Variants in TMPRSS11F observed in about 807,000 individuals in gnomAD.
TMPRSS11F encodes the protein transmembrane protease serine 11F.
A neutral mutation model predicts 60.2 loss-of-function variants in TMPRSS11F; 47 were observed. The observed-to-expected ratio is 0.78, with a 90% confidence interval of 0.62 to 1.00. The LOEUF is 1.00. TMPRSS11F is among the 50% of genes least tolerant of loss of function. The probability of loss-of-function intolerance (pLI) is 0.00; values close to 1 mark genes in which losing one functional copy is unlikely to be tolerated. For synonymous variants in TMPRSS11F, 166 were observed against 167.3 expected, an observed-to-expected ratio of 0.99 and a Z score of 0.06; for missense variants, 519 against 522.9, an observed-to-expected ratio of 0.99 and a Z score of 0.07.
At chr4:68,055,639 A>G (rs1723028181) in intron 9 of TMPRSS11F, among the ~76,000 whole-genome samples, 1 of 152,176 alleles carries the variant, frequency 6.6e-6, no homozygotes, top group East Asian at 1.9e-4. Context: ...CAATTCTACC[A>G]AGCATCTAAA....
At chr4:68,057,017 G>T (rs759951038) in intron 9 of TMPRSS11F, among the ~76,000 whole-genome samples, 1 of 152,182 alleles carries the variant, frequency 6.6e-6, no homozygotes, top group Admixed American at 6.6e-5. Flanking sequence ...GGGCGTGGTG[G>T]CTCATGCCTG....
chr4:68,114,477 A>C (rs1425691354), intron 1 of TMPRSS11F, among the ~76,000 whole-genome samples: 1 of 152,122 alleles, frequency 6.6e-6, no homozygotes, highest in African/African-American at 2.4e-5. Context: ...AAAATGGATA[A>C]ATCTTTTTGA....
At chr4:68,099,083 G>C (rs1352455799) in intron 1 of TMPRSS11F, 45 bp from the exon 2 acceptor site, 1 of 1,527,540 alleles carries the variant, frequency 6.5e-7, no homozygotes, top group Middle Eastern at 1.7e-4. Context: ...ATTCATTATA[G>C]TTCAACTTTA....
At chr4:68,105,044 T>C (rs1577931153) in intron 1 of TMPRSS11F, among the ~76,000 whole-genome samples, 1 of 127,388 alleles carries the variant, frequency 7.9e-6, no homozygotes, top group Admixed American at 9.1e-5. Flanking sequence ...AATCATTCCC[T>C]CTAGGTTTTT....
chr4:68,056,980 T>A (rs1723060352), intron 9 of TMPRSS11F, among the ~76,000 whole-genome samples: 1 of 152,188 alleles, frequency 6.6e-6, no homozygotes, highest in Non-Finnish European at 1.5e-5. Flanking sequence ...AAATTGGTTA[T>A]CTATATCAGA....
intron 3 of TMPRSS11F, among the ~76,000 whole-genome samples, chr4:68,089,093 C>T (rs1247019663): frequency 6.6e-6 from 1 of 151,690 alleles, no homozygotes; most frequent in Non-Finnish European, 1.5e-5. Context: ...GGGTCCAAAT[C>T]ACCAAAGCAA....
intron 1 of TMPRSS11F, among the ~76,000 whole-genome samples, chr4:68,128,871 C>T (rs972591839): frequency 1.3e-5 from 2 of 152,088 alleles, no homozygotes; most frequent in Non-Finnish European, 2.9e-5. Context: ...TAGGCTTATG[C>T]TGTCATTTGA....
Position 68,092,005 on chromosome 4 carries a change from C to T in TMPRSS11F, c.164-1364G>A, listed in dbSNP as rs560509234. On this transcript the variant is annotated intron_variant, in intron 2 of 9. Transcript: ENST00000356291. ...TTCACCATGTTGTCCAGGCTGGTCT[C>T]GAACTCCTGACCTCAAGTGATCCAT... 7.2e-5 allele frequency among the ~76,000 whole-genome samples: 11 copies of T among 152,088 alleles called. No homozygotes were observed. In the East Asian group the frequency reaches 7.7e-4, roughly 11 times the overall value.
intron 7 of TMPRSS11F, among the ~76,000 whole-genome samples, chr4:68,065,278 C>T (rs1318496941): frequency 6.6e-6 from 1 of 152,066 alleles, no homozygotes; most frequent in Admixed American, 6.6e-5. Context: ...ATTTTCTCTC[C>T]ATGTCATATC....
chr4:68,104,894 G>A (rs773288559), intron 1 of TMPRSS11F, among the ~76,000 whole-genome samples: 4 of 151,264 alleles, frequency 2.6e-5, no homozygotes, highest in Non-Finnish European at 5.9e-5. Flanking sequence ...TTGATGTGTT[G>A]CTGGACTCAG....
In TMPRSS11F at chr4:68,076,771, C is replaced by T. The variant is rs140415251; in HGVS notation, c.283-2762G>A. Among the ~76,000 whole-genome samples, 262 of 152,278 alleles carry T rather than the reference C, an allele frequency of 1.7e-3. 6 individuals are homozygous for T. The highest frequency in any genetic ancestry group is 0.014 in the Admixed American group (209 of 15,298). On this transcript the variant is annotated intron_variant, in intron 3 of 9. Coordinates refer to ENST00000356291, the MANE Select transcript of TMPRSS11F (RefSeq NM_207407.2). ...GCACCAATCTTCCATTTTCCTGTGC[C>T]TCTCATGACTCCACCAAAGGTACCT...
intron 3 of TMPRSS11F, among the ~76,000 whole-genome samples, chr4:68,083,132 T>C (rs1390910281): frequency 6.6e-6 from 1 of 152,120 alleles, no homozygotes; most frequent in East Asian, 1.9e-4. Context: ...CCCTTGACAG[T>C]AGGTCAAAGC....
chr4:68,061,722 G>T, intron 8 of TMPRSS11F: 1 of 393,668 alleles, frequency 2.5e-6, no homozygotes, highest in South Asian at 1.9e-5. Flanking sequence ...AAATTTTAAA[G>T]TAAAGTCTTG....
rs1723386343 is a variant in TMPRSS11F at position 68,068,734 on chromosome 4, A to G, written c.639T>C (p.Ala213=). The change falls in exon 7 of 10, where the codon GCT becomes GCC. Residue 213 remains alanine, a synonymous_variant. Coordinates refer to ENST00000356291, the MANE Select transcript of TMPRSS11F (RefSeq NM_207407.2). ...TQRIVQGRET[A]MEGEWPWQAS... is the part of the protein sequence containing the mutation. ...CCTGCCATGGCCATTCCCCTTCCAT[A>G]GCTGTTTCCCTTCCTTGGACAATTC... 1 of 1,614,200 alleles carries G rather than the reference A, an allele frequency of 6.2e-7. No homozygotes were observed. The highest frequency in any genetic ancestry group is 8.5e-7 in the Non-Finnish European group (1 of 1,180,020).
At position 68,069,973 on chromosome 4, in the gene TMPRSS11F, G is replaced by T. The variant is rs768387896; in HGVS notation, c.549C>A (p.Asn183Lys). The change falls in exon 6 of 10, where the codon AAC becomes AAA. Residue 183 changes from asparagine to lysine, a missense_variant. Asn to Lys is a moderately conservative substitution (Grantham distance 94, BLOSUM62 0). Transcript: ENST00000356291. ...IDSKKMRNLL[N>K]SRCGIRMTSS... is the part of the protein sequence containing the mutation. ...ATTGTGGGTTTTGGAACTTACGACT[G>T]TTGAGAAGATTCCTCATCTTTTTGC... 6.2e-7 allele frequency: 1 copy of T among 1,604,750 alleles called. No homozygotes were observed. The highest frequency in any genetic ancestry group is 8.5e-7 in the Non-Finnish European group (1 of 1,175,250).
intron 8 of TMPRSS11F, among the ~76,000 whole-genome samples, chr4:68,063,512 G>A (rs1284155897): frequency 6.6e-6 from 1 of 152,050 alleles, no homozygotes; most frequent in African/African-American, 2.4e-5. Flanking sequence ...AAGTAGCTGG[G>A]ACTACAGGCC....
At chr4:68,066,015 C>T (rs1723317613) in intron 7 of TMPRSS11F, among the ~76,000 whole-genome samples, 1 of 150,352 alleles carries the variant, frequency 6.7e-6, no homozygotes, top group South Asian at 2.1e-4. Context: ...ACTCAGGAAG[C>T]TGAGGCAGGA....
intron 1 of TMPRSS11F, among the ~76,000 whole-genome samples, chr4:68,121,239 C>G (rs1395862683): frequency 6.6e-6 from 1 of 152,148 alleles, no homozygotes; most frequent in African/African-American, 2.4e-5. Flanking sequence ...ATTTTAACCA[C>G]CCACATCTAA....
At chr4:68,076,723 C>T (rs138781002) in intron 3 of TMPRSS11F, among the ~76,000 whole-genome samples, 70 of 152,270 alleles carry the variant, frequency 4.6e-4, no homozygotes, top group Non-Finnish European at 8.7e-4. Context: ...AAGGTTTTCC[C>T]ATAACCAATG....
Sources: allele counts gnomAD v4.1 joint callset (sites outside exome capture counted in the v4.1 genomes callset), GRCh38; gene constraint gnomAD v4.1.1; transcripts MANE v1.5; gene names NCBI Gene and HGNC (gene_info 2026-07-23, HGNC 2026-07-21).